GALNTL6: variants seen among roughly 807,000 people sequenced by gnomAD.
GALNTL6 encodes polypeptide N-acetylgalactosaminyltransferase-like 6.
In GALNTL6, 46 loss-of-function variants were observed where a neutral mutation model predicts 73.7. The observed-to-expected ratio is 0.62, with a 90% confidence interval of 0.49 to 0.80. GALNTL6 has a LOEUF of 0.80. GALNTL6 is among the 30% of genes least tolerant of loss of function. GALNTL6 has a pLI of 0.00. For missense variants in GALNTL6, 604 were observed against 755.0 expected, an observed-to-expected ratio of 0.80 and a Z score of 2.34; for synonymous variants, 259 against 263.7, an observed-to-expected ratio of 0.98 and a Z score of 0.17.
chr4:172,430,840 A>T (rs1399463491), intron 5 of GALNTL6, among the ~76,000 whole-genome samples: 1 of 152,112 alleles, frequency 6.6e-6, no homozygotes, highest in Non-Finnish European at 1.5e-5. Context: ...GCAATAAAAG[A>T]ATAGGGAAAA....
intron 3 of GALNTL6, among the ~76,000 whole-genome samples, chr4:172,269,185 C>A (rs1280224032): frequency 1.3e-5 from 2 of 152,112 alleles, no homozygotes; most frequent in Non-Finnish European, 2.9e-5. Flanking sequence ...CAGAGCAAGT[C>A]TAGGCAGAGA....
chr4:172,695,763 T>C (rs566068340), intron 5 of GALNTL6, among the ~76,000 whole-genome samples: 9 of 152,222 alleles, frequency 5.9e-5, no homozygotes, highest in Admixed American at 4.6e-4. Context: ...CTGGCTAACA[T>C]GGTGAAACCC....
intron 5 of GALNTL6, among the ~76,000 whole-genome samples, chr4:172,622,721 A>G (rs1739011863): frequency 6.6e-6 from 1 of 152,158 alleles, no homozygotes; most frequent in Non-Finnish European, 1.5e-5. Context: ...AATCCCCAGG[A>G]TGAGCATGAA....
At chr4:172,770,267 A>T (rs1579458632) in intron 5 of GALNTL6, among the ~76,000 whole-genome samples, 1 of 145,494 alleles carries the variant, frequency 6.9e-6, no homozygotes, top group African/African-American at 2.7e-5. Flanking sequence ...CTCCATCTCA[A>T]TAAATAAATA....
chr4:172,673,259 A>G (rs1231124670), intron 5 of GALNTL6, among the ~76,000 whole-genome samples: 1 of 151,692 alleles, frequency 6.6e-6, no homozygotes, highest in Non-Finnish European at 1.5e-5. Context: ...TAGGTTATTC[A>G]ATTTTCATGT....
Position 172,663,929 on chromosome 4 carries a change from C to CA in GALNTL6, c.554-145418dup, listed in dbSNP as rs398072373. Among the ~76,000 whole-genome samples the CA allele has an allele frequency of 2.6e-3, 79 of 29,958 alleles. 1 individual carries two copies. The South Asian group carries it at 0.091, about 34-fold the overall frequency. The allele number at this position is 29,958 out of a possible 152,430, so 19.7% of individuals were successfully genotyped here. On this transcript the variant is annotated intron_variant, in intron 5 of 12. Transcript: ENST00000506823. ...TGGGTGACAAAGTGAGACTCTGTCT[C>CA]AAAAAAAAAAAAAAGAAAGAAAGAT... is the stretch of plus-strand genomic sequence containing the variant.
chr4:172,012,695 T>C (rs994833646), intron 2 of GALNTL6, among the ~76,000 whole-genome samples: 1 of 151,998 alleles, frequency 6.6e-6, no homozygotes, highest in African/African-American at 2.4e-5. Context: ...CCCATGACTT[T>C]ACTCAGGTCA....
intron 5 of GALNTL6, among the ~76,000 whole-genome samples, chr4:172,598,258 A>G (rs1737936701): frequency 6.6e-6 from 1 of 151,986 alleles, no homozygotes; most frequent in South Asian, 2.1e-4. Context: ...ATTGGCAGTG[A>G]TTTTTTTTCT....
intron 5 of GALNTL6, among the ~76,000 whole-genome samples, chr4:172,705,727 G>T (rs1261054692): frequency 1.3e-5 from 2 of 152,040 alleles, no homozygotes; most frequent in African/African-American, 4.8e-5. Context: ...GTGTTTCAAG[G>T]ATAGCTTTGT....
intron 5 of GALNTL6, among the ~76,000 whole-genome samples, chr4:172,658,469 A>AAAAAAAAAAAAAGAAAGAAAAAG (rs1731200468): frequency 2.7e-5 from 4 of 150,658 alleles, no homozygotes; most frequent in Admixed American, 2.0e-4. Context: ...TCCGTCTCAA[A>AAAAAAAAAAAAAGAAAGAAAAAG]AAAAAAAAAA....
intron 5 of GALNTL6, among the ~76,000 whole-genome samples, chr4:172,448,885 C>T (rs7688360): frequency 0.016 from 2,396 of 152,220 alleles, 60 homozygotes; most frequent in African/African-American, 0.052. Flanking sequence ...TATTAACTTA[C>T]CAACACTGGG....
intron 2 of GALNTL6, among the ~76,000 whole-genome samples, chr4:172,098,178 A>C (rs72700908): frequency 0.38 from 57,881 of 151,920 alleles, 11,381 homozygotes; most frequent in African/African-American, 0.41. Flanking sequence ...GTCTCTCTCT[A>C]TATATAAGAC....
intron 4 of GALNTL6, among the ~76,000 whole-genome samples, chr4:172,323,340 T>G (rs187969735): frequency 7.8e-4 from 118 of 152,246 alleles, no homozygotes; most frequent in African/African-American, 2.6e-3. Flanking sequence ...GTAACTGACA[T>G]GGGCAAGATT....
At chr4:172,049,625 G>A (rs1167746773) in intron 2 of GALNTL6, among the ~76,000 whole-genome samples, 3 of 152,142 alleles carry the variant, frequency 2.0e-5, no homozygotes, top group African/African-American at 4.8e-5. Flanking sequence ...TCAAGACCAC[G>A]TTTATTCTCA....
At chr4:172,265,646 C>T (rs1222298777) in intron 3 of GALNTL6, among the ~76,000 whole-genome samples, 2 of 152,164 alleles carry the variant, frequency 1.3e-5, no homozygotes, top group East Asian at 3.9e-4. Flanking sequence ...TCTGTAGAAG[C>T]TCTTCCAAAG....
chr4:172,828,169 G>A (rs545975931), intron 7 of GALNTL6, among the ~76,000 whole-genome samples: 1 of 151,578 alleles, frequency 6.6e-6, no homozygotes, highest in African/African-American at 2.4e-5. Context: ...CTACTTGAGA[G>A]GCTGAGGTGG....
chr4:172,708,350 A>G (rs1195559933), intron 5 of GALNTL6, among the ~76,000 whole-genome samples: 1 of 152,166 alleles, frequency 6.6e-6, no homozygotes, highest in Non-Finnish European at 1.5e-5. Context: ...GAGCCGCCAC[A>G]CCCTGTCAAA....
chr4:172,101,848 A>G (rs1732528883), intron 2 of GALNTL6, among the ~76,000 whole-genome samples: 1 of 152,088 alleles, frequency 6.6e-6, no homozygotes, highest in Non-Finnish European at 1.5e-5. Context: ...TTTGAAAATA[A>G]TTCCTAAAGT....
intron 3 of GALNTL6, among the ~76,000 whole-genome samples, chr4:172,253,643 G>A (rs189030888): frequency 6.6e-6 from 1 of 152,042 alleles, no homozygotes; most frequent in Admixed American, 6.6e-5. Context: ...CATTCTGCAA[G>A]CTTGTATGTG....
Sources: gnomAD v4.1 joint callset for allele counts (sites outside exome capture counted in the v4.1 genomes callset) on GRCh38, gnomAD v4.1.1 for gene constraint, MANE v1.5 for transcripts, NCBI Gene and HGNC (gene_info 2026-07-23, HGNC 2026-07-21) for gene names.